UMAD1: variants seen among roughly 807,000 people sequenced by gnomAD.
The protein encoded by UMAD1 is UBAP1-MVB12-associated (UMA)-domain containing protein 1.
A neutral mutation model predicts 6.1 loss-of-function variants in UMAD1; 8 were observed. That is an observed-to-expected ratio of 1.30 (90% CI 0.76 to 2.35). UMAD1 has a LOEUF of 2.35. UMAD1 is among the 30% of genes most tolerant of loss of function. UMAD1 has a pLI of 0.00. For missense variants in UMAD1, 130 were observed against 78.4 expected (o/e 1.66, Z -2.49); for synonymous variants, 56 against 31.4 (o/e 1.78, Z -2.61).
At chr7:7,676,163 T>C (rs924157871) in intron 2 of UMAD1, 1 of 398,528 alleles carries the variant, frequency 2.5e-6, no homozygotes, top group Admixed American at 4.4e-5. Flanking sequence ...GTCAGACCCT[T>C]TGGGTTGGCT....
At position 7,819,279 on chromosome 7, in the gene UMAD1, A is replaced by G. The variant is rs1020077878; in HGVS notation, c.156+17536A>G. Reference sequence around the variant, plus strand: ...ATAAGTAAATGACAAGCATCTGAAGATTTTCTTCAAACCATGAATATATTA... The same window carrying G: ...ATAAGTAAATGACAAGCATCTGAAGGTTTTCTTCAAACCATGAATATATTA... On this transcript the variant is annotated intron_variant, in intron 3 of 3. Transcript: ENST00000682710. Among the ~76,000 whole-genome samples the G allele has an allele frequency of 2.6e-5, 4 of 151,832 alleles. No individual in the cohort carries two copies. The South Asian group carries it at 6.3e-4, about 24-fold the overall frequency.
At chr7:7,717,855 C>G (rs1426589612) in intron 2 of UMAD1, among the ~76,000 whole-genome samples, 1 of 152,110 alleles carries the variant, frequency 6.6e-6, no homozygotes, top group African/African-American at 2.4e-5. Context: ...TATGATTGGC[C>G]ATAATTATCA....
chr7:7,702,025 T>G (rs974970900), intron 2 of UMAD1, among the ~76,000 whole-genome samples: 2 of 152,246 alleles, frequency 1.3e-5, no homozygotes, highest in African/African-American at 4.8e-5. Flanking sequence ...AAATTCATAT[T>G]GAAATTCAGA....
At chr7:7,684,062 A>G (rs1779980729) in intron 2 of UMAD1, among the ~76,000 whole-genome samples, 1 of 152,212 alleles carries the variant, frequency 6.6e-6, no homozygotes, top group African/African-American at 2.4e-5. Flanking sequence ...TGTGACCTAC[A>G]TACATCCTCC....
chr7:7,712,028 C>G (rs1371494141), intron 2 of UMAD1, among the ~76,000 whole-genome samples: 1 of 152,068 alleles, frequency 6.6e-6, no homozygotes, highest in Non-Finnish European at 1.5e-5. Context: ...CTTCACGTAT[C>G]TTCCAAGCTT....
intron 2 of UMAD1, among the ~76,000 whole-genome samples, chr7:7,797,392 A>G (rs924544675): frequency 2.0e-5 from 3 of 152,182 alleles, no homozygotes; most frequent in Non-Finnish European, 4.4e-5. Flanking sequence ...TTGACTTACC[A>G]CATGCATGAA....
chr7:7,790,833 A>G (rs1467795375), intron 2 of UMAD1, among the ~76,000 whole-genome samples: 1 of 152,146 alleles, frequency 6.6e-6, no homozygotes, highest in African/African-American at 2.4e-5. Flanking sequence ...TATCTCTAAC[A>G]TGTGTTCTTG....
At chr7:7,789,070 G>T (rs10230052) in intron 2 of UMAD1, among the ~76,000 whole-genome samples, 1 of 152,102 alleles carries the variant, frequency 6.6e-6, no homozygotes, top group African/African-American at 2.4e-5. Context: ...CAGTACTGGT[G>T]ATATACATAC....
chr7:7,819,783 T>A (rs1009081364), intron 3 of UMAD1, among the ~76,000 whole-genome samples: 1 of 152,196 alleles, frequency 6.6e-6, no homozygotes, highest in African/African-American at 2.4e-5. Context: ...TAATAAATTA[T>A]TAATACAGTT....
chr7:7,728,367 C>T (rs565943853), intron 2 of UMAD1, among the ~76,000 whole-genome samples: 5 of 152,166 alleles, frequency 3.3e-5, no homozygotes, highest in African/African-American at 4.8e-5. Context: ...TATCTCAGGC[C>T]GGGCACAGTG....
rs1253355752 is a variant in UMAD1, at chr7:7,847,118, T to A, written c.157-30163T>A. On this transcript the variant is annotated intron_variant, in intron 3 of 3. Coordinates refer to ENST00000682710, the MANE Select transcript of UMAD1 (RefSeq NM_001302348.2). ...AAAAAAAAAAAAATATATATATATATATATATATATATATATATATATATA... is the reference window on the plus strand; with the variant it reads ...AAAAAAAAAAAAATATATATATATAAATATATATATATATATATATATATA... 2.1e-3 allele frequency among the ~76,000 whole-genome samples: 38 copies of A among 17,832 alleles called. 3 individuals carry two copies. The highest frequency in any genetic ancestry group is 8.8e-3 in the African/African-American group (24 of 2,734). The allele number at this position is 17,832 out of a possible 152,430, so 11.7% of individuals were successfully genotyped here.
rs372083503 is a variant in UMAD1, at chr7:7,876,551, G to T, written c.157-730G>T. Among the ~76,000 whole-genome samples the T allele has an allele frequency of 1.2e-4, 18 of 152,242 alleles. No individual in the cohort carries two copies. The East Asian group carries it at 2.1e-3, about 18-fold the overall frequency. ...TTCTTCTATTGATTGATATTTAGGT[G>T]ATTTGCAAGACATATTAATTGTAAA... On this transcript the variant is annotated intron_variant, in intron 3 of 3. Transcript: ENST00000682710.
intron 1 of UMAD1, among the ~76,000 whole-genome samples, chr7:7,666,021 A>G (rs1400465893): frequency 6.6e-6 from 1 of 151,914 alleles, no homozygotes; most frequent in East Asian, 1.9e-4. Context: ...CTACGTTTTC[A>G]TTTCCTAAGG....
intron 1 of UMAD1, among the ~76,000 whole-genome samples, chr7:7,668,457 A>G (rs577009562): frequency 1.3e-5 from 2 of 152,304 alleles, no homozygotes; most frequent in Admixed American, 6.5e-5. Flanking sequence ...ATATTGTTAT[A>G]GTTCTATTTT....
At chr7:7,641,461 T>TCCCA (rs1370513000) in intron 1 of UMAD1, 1 of 152,224 alleles carries the variant, frequency 6.6e-6, no homozygotes, top group African/African-American at 2.4e-5. Flanking sequence ...ATTTGCAAGG[T>TCCCA]CCCAGTTGAC....
intron 3 of UMAD1, among the ~76,000 whole-genome samples, chr7:7,826,442 A>G (rs1376894436): frequency 6.6e-6 from 1 of 152,164 alleles, no homozygotes; most frequent in African/African-American, 2.4e-5. Flanking sequence ...TCAACTGTCC[A>G]CTTGATAAAA....
At chr7:7,670,591 G>T (rs1779581799) in intron 1 of UMAD1, among the ~76,000 whole-genome samples, 1 of 152,200 alleles carries the variant, frequency 6.6e-6, no homozygotes. Flanking sequence ...AAGGCAGTCT[G>T]TCTCATTGCC....
At chr7:7,771,633 A>G in intron 2 of UMAD1, among the ~76,000 whole-genome samples, 1 of 152,218 alleles carries the variant, frequency 6.6e-6, no homozygotes, top group East Asian at 1.9e-4. Context: ...CAGAATTAAA[A>G]GCTGTTCTAA....
At chr7:7,666,353 G>A (rs1342827617) in intron 1 of UMAD1, among the ~76,000 whole-genome samples, 2 of 151,902 alleles carry the variant, frequency 1.3e-5, no homozygotes, top group African/African-American at 2.4e-5. Flanking sequence ...TCAGGCACAC[G>A]CCACCACACC....
Sources: allele counts gnomAD v4.1 joint callset (sites outside exome capture counted in the v4.1 genomes callset), GRCh38; gene constraint gnomAD v4.1.1; transcripts MANE v1.5; gene names NCBI Gene and HGNC (gene_info 2026-07-23, HGNC 2026-07-21).